PARD3: variants seen among roughly 807,000 people sequenced by gnomAD.
PARD3 encodes partitioning defective 3 homolog.
In PARD3, 75 loss-of-function variants were observed where a neutral mutation model predicts 155.4. The ratio of observed to expected loss-of-function variants is 0.48; its 90% CI spans 0.40 to 0.58. PARD3 has a LOEUF of 0.58. Among genes scored for constraint, PARD3 ranks in the 20% least tolerant of loss-of-function variants. The probability of loss-of-function intolerance (pLI) is 0.00; values close to 1 mark genes in which losing one functional copy is unlikely to be tolerated. For missense variants in PARD3, 1,642 were observed against 1,721.7 expected (o/e 0.95, Z 0.82); for synonymous variants, 576 against 610.5 (o/e 0.94, Z 0.83).
intron 5 of PARD3, among the ~76,000 whole-genome samples, chr10:34,448,767 T>G (rs184417199): frequency 4.7e-4 from 71 of 152,174 alleles, no homozygotes; most frequent in African/African-American, 1.4e-3. Flanking sequence ...GTTGCACCAC[T>G]GCACTCCAGC....
Position 34,148,957 on chromosome 10 carries a change from A to G in PARD3, c.3420-17374T>C, listed in dbSNP as rs189298702. On this transcript the variant is annotated intron_variant, in intron 22 of 24. Coordinates refer to ENST00000374788, the MANE Select transcript of PARD3 (RefSeq NM_001184785.2). Reference sequence around the variant, plus strand: ...CGAAGTAAACAACTATAACCCTTTTAATTGTTGAATTTAAGAAACCGTTGA... The same window carrying G: ...CGAAGTAAACAACTATAACCCTTTTGATTGTTGAATTTAAGAAACCGTTGA... Among the ~76,000 whole-genome samples, 123 of 152,252 alleles carry G rather than the reference A, an allele frequency of 8.1e-4. 2 individuals are homozygous for G. The highest frequency in any genetic ancestry group is 6.8e-3 in the Middle Eastern group (2 of 292).
At chr10:34,489,709 A>G (rs989096305) in intron 3 of PARD3, among the ~76,000 whole-genome samples, 1 of 152,274 alleles carries the variant, frequency 6.6e-6, no homozygotes, top group Non-Finnish European at 1.5e-5. Flanking sequence ...AGAGTAATGT[A>G]AAAGTAAACA....
chr10:34,467,523 G>A, intron 4 of PARD3, among the ~76,000 whole-genome samples: 1 of 152,016 alleles, frequency 6.6e-6, no homozygotes, highest in East Asian at 1.9e-4. Flanking sequence ...TGAGATGGGA[G>A]GAACACCCAA....
chr10:34,507,155 C>T (rs2081121641), intron 3 of PARD3, among the ~76,000 whole-genome samples: 1 of 152,156 alleles, frequency 6.6e-6, no homozygotes, highest in Non-Finnish European at 1.5e-5. Context: ...GCCAATACAG[C>T]TCCCAGTTTT....
intron 14 of PARD3, among the ~76,000 whole-genome samples, chr10:34,355,630 T>A (rs1589284062): frequency 6.7e-6 from 1 of 149,858 alleles, no homozygotes. Context: ...AAGAGCAGAG[T>A]AAAAACAAAC....
chr10:34,372,732 T>C (rs1291686011), intron 11 of PARD3, among the ~76,000 whole-genome samples, 196 bp from the exon 12 acceptor site: 1 of 152,148 alleles, frequency 6.6e-6, no homozygotes, highest in Non-Finnish European at 1.5e-5. Flanking sequence ...TGTGTGTGTT[T>C]TAAGAAATTT....
intron 20 of PARD3, among the ~76,000 whole-genome samples, chr10:34,288,039 C>A (rs1044578618): frequency 2.0e-5 from 3 of 151,974 alleles, no homozygotes; most frequent in Admixed American, 1.3e-4. Flanking sequence ...GATGAAACCC[C>A]GTCTCTACTA....
Position 34,701,052 on chromosome 10 carries a change from CA to C in PARD3, c.121-4634del, listed in dbSNP as rs879821678. On this transcript the variant is annotated intron_variant, in intron 1 of 24. Coordinates refer to ENST00000374788, the MANE Select transcript of PARD3 (RefSeq NM_001184785.2). ...ACCACGTGTTCAAAGAAAACTACAC[CA>C]AAAAAAAAATGTTTTGTGAATTCAG... Among the ~76,000 whole-genome samples, 276 of 147,336 alleles carry C rather than the reference CA, an allele frequency of 1.9e-3. 1 individual carries two copies. Among genetic ancestry groups the C allele is most frequent in the Non-Finnish European group, 3.5e-3 (234 of 66,416 alleles).
intron 2 of PARD3, among the ~76,000 whole-genome samples, chr10:34,586,541 AG>A (rs976646871): frequency 1.2e-4 from 18 of 152,142 alleles, no homozygotes; most frequent in African/African-American, 4.3e-4. Flanking sequence ...AGAACACTAT[AG>A]GGGGAAAAAA....
chr10:34,646,437 A>C (rs1027404119), intron 2 of PARD3, among the ~76,000 whole-genome samples: 1 of 152,188 alleles, frequency 6.6e-6, no homozygotes, highest in South Asian at 2.1e-4. Context: ...ACATATTTTA[A>C]TATGTTTAAA....
intron 1 of PARD3, among the ~76,000 whole-genome samples, chr10:34,789,468 C>A (rs1172305337): frequency 6.6e-6 from 1 of 151,960 alleles, no homozygotes; most frequent in East Asian, 1.9e-4. Context: ...CTGGCCAAGA[C>A]AGGAGGATCG....
At chr10:34,337,085 G>A (rs1273107699) in intron 17 of PARD3, among the ~76,000 whole-genome samples, 190 bp downstream of exon 17, 1 of 152,106 alleles carries the variant, frequency 6.6e-6, no homozygotes, top group Non-Finnish European at 1.5e-5. Flanking sequence ...TGCATATTAT[G>A]TAAACATGCC....
At chr10:34,368,692 G>A (rs1352497014) in intron 12 of PARD3, among the ~76,000 whole-genome samples, 1 of 151,862 alleles carries the variant, frequency 6.6e-6, no homozygotes, top group Non-Finnish European at 1.5e-5. Flanking sequence ...AAAGAAGAAG[G>A]TGGGAGCAGC....
chr10:34,189,217 C>T (rs1420556208), intron 22 of PARD3, among the ~76,000 whole-genome samples: 1 of 152,070 alleles, frequency 6.6e-6, no homozygotes, highest in African/African-American at 2.4e-5. Context: ...TCCCCAGCTA[C>T]TTGTGAGGCT....
chr10:34,485,918 GTTTTTTT>G (rs66906403), intron 3 of PARD3, among the ~76,000 whole-genome samples: 13 of 95,798 alleles, frequency 1.4e-4, no homozygotes, highest in South Asian at 6.5e-4. Flanking sequence ...AACGTTTTGG[GTTTTTTT>G]TTTTTTTTTT....
intron 1 of PARD3, among the ~76,000 whole-genome samples, chr10:34,729,287 T>C (rs1193950418): frequency 2.0e-5 from 3 of 152,056 alleles, no homozygotes; most frequent in Non-Finnish European, 4.4e-5. Context: ...TCCTAGCACT[T>C]TGGGAGGTTG....
chr10:34,726,472 G>A (rs935015473), intron 1 of PARD3, among the ~76,000 whole-genome samples: 1 of 152,182 alleles, frequency 6.6e-6, no homozygotes, highest in Non-Finnish European at 1.5e-5. Context: ...CATAATCCCA[G>A]CTACTCGGGA....
At chr10:34,149,104 T>C (rs547726716) in intron 22 of PARD3, among the ~76,000 whole-genome samples, 2 of 152,214 alleles carry the variant, frequency 1.3e-5, no homozygotes, top group South Asian at 2.1e-4. Flanking sequence ...TTATAATTGA[T>C]TAAAAATGGT....
At chr10:34,142,403 G>C (rs1383056521) in intron 22 of PARD3, among the ~76,000 whole-genome samples, 3 of 151,894 alleles carry the variant, frequency 2.0e-5, no homozygotes, top group African/African-American at 7.3e-5. Flanking sequence ...GCTGGGTGTG[G>C]TGGTGCGTGT....
Sources: gnomAD v4.1 joint callset for allele counts (sites outside exome capture counted in the v4.1 genomes callset) on GRCh38, gnomAD v4.1.1 for gene constraint, MANE v1.5 for transcripts, NCBI Gene and HGNC (gene_info 2026-07-23, HGNC 2026-07-21) for gene names.